DPYSL5: variants seen among roughly 807,000 people sequenced by gnomAD.
DPYSL5 encodes the protein dihydropyrimidinase like 5.
In DPYSL5, 9 loss-of-function variants were observed where a neutral mutation model predicts 58.4. The observed-to-expected ratio is 0.15, with a 90% confidence interval of 0.09 to 0.27. The LOEUF is 0.27. Among genes scored for constraint, DPYSL5 ranks in the 10% least tolerant of loss-of-function variants. DPYSL5 has a pLI of 1.00. For missense variants in DPYSL5, 499 were observed against 770.6 expected, an observed-to-expected ratio of 0.65 and a Z score of 4.17; for synonymous variants, 293 against 301.9, an observed-to-expected ratio of 0.97 and a Z score of 0.31.
At chr2:26,892,766 AG>A (rs1663920020) in intron 1 of DPYSL5, among the ~76,000 whole-genome samples, 1 of 150,854 alleles carries the variant, frequency 6.6e-6, no homozygotes, top group Non-Finnish European at 1.5e-5. Flanking sequence ...TGAGAGAGAG[AG>A]AGAGAGAGAG....
intron 5 of DPYSL5, among the ~76,000 whole-genome samples, chr2:26,928,712 C>T (rs78548871): frequency 1.0e-3 from 43 of 42,598 alleles, no homozygotes; most frequent in African/African-American, 1.3e-3. Flanking sequence ...TATACACACA[C>T]ACACATACAT....
chr2:26,875,112 C>T (rs1663376262), intron 1 of DPYSL5, among the ~76,000 whole-genome samples: 1 of 152,170 alleles, frequency 6.6e-6, no homozygotes, highest in African/African-American at 2.4e-5. Flanking sequence ...ATATTATAAG[C>T]TGCTTCATTC....
At chr2:26,858,199 T>G (rs1469867351) in intron 1 of DPYSL5, among the ~76,000 whole-genome samples, 4 of 132,586 alleles carry the variant, frequency 3.0e-5, no homozygotes, top group Non-Finnish European at 4.6e-5. Context: ...TGAGACGGAG[T>G]CTCTCTCTGT....
rs1664819640 is a variant in DPYSL5, at chr2:26,925,935, C to A, written c.420+890C>A. Among the ~76,000 whole-genome samples, 1 of 152,188 alleles carries A rather than the reference C, an allele frequency of 6.6e-6. No homozygotes were observed. The highest frequency in any genetic ancestry group is 1.5e-5 in the Non-Finnish European group (1 of 68,046). On this transcript the variant is annotated intron_variant, in intron 3 of 12. Transcript: ENST00000288699. The surrounding 1 kb of genome is among the most constrained non-coding windows in gnomAD (Gnocchi z 4.5). ...AACTCAGGAACTGCCTCTTCATTTT[C>A]CGTCAAAAACCCACTTGTAACTGCT...
rs1664818061 is a variant in DPYSL5 at position 26,925,871 on chromosome 2, C to T, written c.420+826C>T. 6.6e-6 allele frequency among the ~76,000 whole-genome samples: 1 copy of T among 152,066 alleles called. No individual in the cohort carries two copies. Among genetic ancestry groups the T allele is most frequent in the African/African-American group, 2.4e-5 (1 of 41,400 alleles). On this transcript the variant is annotated intron_variant, in intron 3 of 12. Coordinates refer to ENST00000288699, the MANE Select transcript of DPYSL5 (RefSeq NM_020134.4). The surrounding 1 kb of genome is among the most constrained non-coding windows in gnomAD (Gnocchi z 4.5). ...CATGTACCAGTACTTTGGTGGGTGC[C>T]CCAGAATCATAAAAATAATAAGCAT...
chr2:26,941,878 A>G, intron 9 of DPYSL5, 72 bp from the exon 10 acceptor site: 1 of 1,601,996 alleles, frequency 6.2e-7, no homozygotes, highest in Non-Finnish European at 8.5e-7. Flanking sequence ...ATGGGCCAGC[A>G]TCAAAGGTGA....
At chr2:26,854,900 C>A (rs1558318329) in intron 1 of DPYSL5, among the ~76,000 whole-genome samples, 1 of 151,860 alleles carries the variant, frequency 6.6e-6, no homozygotes, top group Non-Finnish European at 1.5e-5. Context: ...CTCACTGCAA[C>A]CTCTGCCTCC....
rs564350898 is a variant in DPYSL5 at position 26,915,530 on chromosome 2, C to T, written c.262-9357C>T. Among the ~76,000 whole-genome samples, 39 of 152,290 alleles carry T rather than the reference C, an allele frequency of 2.6e-4. No individual in the cohort carries two copies. The South Asian group carries it at 7.9e-3, about 31-fold the overall frequency. ...GGACCCCTTTGTCGGCCATCCCTGA[C>T]CCCTGGGCTCCCAGCCCCTCAGCTC... On this transcript the variant is annotated intron_variant, in intron 2 of 12. Coordinates refer to ENST00000288699, the MANE Select transcript of DPYSL5 (RefSeq NM_020134.4).
chr2:26,940,979 C>T lies in DPYSL5; in HGVS notation c.1089+807C>T, dbSNP rs190951120. Among the ~76,000 whole-genome samples, 254 of 150,318 alleles carry T rather than the reference C, an allele frequency of 1.7e-3. 1 individual carries two copies. The highest frequency in any genetic ancestry group is 5.5e-3 in the African/African-American group (226 of 41,062). Reference sequence around the variant, plus strand: ...TGTGATAGAATCTCCCTCTGTTGCCCGGGCTGGAGTACAATGGCGCTGTCT... The same window carrying T: ...TGTGATAGAATCTCCCTCTGTTGCCTGGGCTGGAGTACAATGGCGCTGTCT... On this transcript the variant is annotated intron_variant, in intron 9 of 12. Coordinates refer to ENST00000288699, the MANE Select transcript of DPYSL5 (RefSeq NM_020134.4).
intron 1 of DPYSL5, among the ~76,000 whole-genome samples, chr2:26,861,103 C>G (rs898526458): frequency 1.3e-5 from 2 of 152,144 alleles, no homozygotes; most frequent in Non-Finnish European, 1.5e-5. Flanking sequence ...AAACGGACCC[C>G]CAGATGCAGG....
intron 2 of DPYSL5, among the ~76,000 whole-genome samples, chr2:26,920,198 C>T (rs978652476): frequency 2.6e-5 from 4 of 151,372 alleles, no homozygotes; most frequent in Non-Finnish European, 4.4e-5. Flanking sequence ...TAAAAAAAAG[C>T]ATCTGAGGTA....
intron 11 of DPYSL5, among the ~76,000 whole-genome samples, chr2:26,943,039 G>T (rs941498013): frequency 1.3e-5 from 2 of 152,186 alleles, no homozygotes; most frequent in Admixed American, 6.5e-5. Context: ...GTGTGCGACC[G>T]CTGAGCTCCT....
At chr2:26,895,326 C>T (rs1305244240) in intron 1 of DPYSL5, among the ~76,000 whole-genome samples, 1 of 152,208 alleles carries the variant, frequency 6.6e-6, no homozygotes, top group East Asian at 1.9e-4. Context: ...GGAGAATTGA[C>T]ACCATGTTGA....
chr2:26,935,412 G>A (rs949885844), intron 8 of DPYSL5, among the ~76,000 whole-genome samples: 3 of 152,164 alleles, frequency 2.0e-5, no homozygotes, highest in Non-Finnish European at 4.4e-5. Flanking sequence ...TTGGGGCCAG[G>A]TGCAGTGGTT....
Position 26,934,567 on chromosome 2 carries a change from T to C in DPYSL5, c.791-11T>C. The C allele has an allele frequency of 6.2e-7, 1 of 1,611,170 alleles. No homozygotes were observed. Among genetic ancestry groups the C allele is most frequent in the South Asian group, 1.1e-5 (1 of 90,936 alleles). On this transcript the variant is annotated splice_polypyrimidine_tract_variant and intron_variant, in intron 7 of 12. Transcript: ENST00000288699. This position sits in a 1 kb window ranked among gnomAD's most constrained non-coding sequence, Gnocchi z 4.3. ...GCTTCCTGGTTATGGTTCTGACCTT[T>C]CTTCTTCCAGGGAAGGTTGTGCTGG...
chr2:26,878,799 T>C (rs1663478783), intron 1 of DPYSL5, among the ~76,000 whole-genome samples: 1 of 152,220 alleles, frequency 6.6e-6, no homozygotes, highest in Non-Finnish European at 1.5e-5. Flanking sequence ...GCACCAGCCA[T>C]CCTGAGTGCA....
rs139652068 is a variant in DPYSL5 at position 26,933,980 on chromosome 2, G to A, written c.791-598G>A. On this transcript the variant is annotated intron_variant, in intron 7 of 12. Transcript: ENST00000288699. The surrounding 1 kb of genome is among the most constrained non-coding windows in gnomAD (Gnocchi z 4.2). ...GGCATCTCAGCCTTCAACTATAATC[G>A]ATCAGAAGCAAGGGCATCCTGGCCT... is the stretch of plus-strand genomic sequence containing the variant. Among the ~76,000 whole-genome samples, 5 of 152,188 alleles carry A rather than the reference G, an allele frequency of 3.3e-5. No homozygotes were observed. The East Asian group carries it at 5.8e-4, about 18-fold the overall frequency.
chr2:26,931,203 G>GTGTGTATATATATATATATATATA (rs1474347605), intron 5 of DPYSL5, among the ~76,000 whole-genome samples: 1 of 44,908 alleles, frequency 2.2e-5, no homozygotes, highest in Non-Finnish European at 4.3e-5. Flanking sequence ...GTGTGTGTGT[G>GTGTGTATATATATATATATATATA]TATATATATA....
At chr2:26,870,749 G>A (rs1166833714) in intron 1 of DPYSL5, among the ~76,000 whole-genome samples, 1 of 151,190 alleles carries the variant, frequency 6.6e-6, no homozygotes, top group Non-Finnish European at 1.5e-5. Context: ...TCAGGAGCTT[G>A]TCATCAAACT....
Sources: allele counts gnomAD v4.1 joint callset (sites outside exome capture counted in the v4.1 genomes callset), GRCh38; gene constraint gnomAD v4.1.1; non-coding constraint Gnocchi (gnomAD v3.1); transcripts MANE v1.5; gene names NCBI Gene and HGNC (gene_info 2026-07-23, HGNC 2026-07-21).